ZFYVE9: variants seen among roughly 807,000 people sequenced by gnomAD.
ZFYVE9 encodes zinc finger FYVE-type containing 9.
ZFYVE9 carries 43 observed loss-of-function variants against 126.7 expected under a neutral mutation model. The ratio of observed to expected loss-of-function variants is 0.34; its 90% CI spans 0.27 to 0.44. The LOEUF (loss-of-function observed/expected upper bound fraction) is 0.44. Ranked by LOEUF, ZFYVE9 falls within the 20% of genes least tolerant of loss-of-function variation. The pLI, the probability that ZFYVE9 is intolerant of heterozygous loss-of-function variation, is 1.00. For synonymous variants in ZFYVE9, 521 were observed against 597.4 expected (o/e 0.87, Z 1.87); for missense variants, 1,476 against 1,697.0 (o/e 0.87, Z 2.29).
At chr1:52,173,148 TAGCTCTTATTATTTTG>T (rs1644589908) in intron 1 of ZFYVE9, among the ~76,000 whole-genome samples, 1 of 152,156 alleles carries the variant, frequency 6.6e-6, no homozygotes, top group Non-Finnish European at 1.5e-5. Flanking sequence ...TTGTCATAGA[TAGCTCTTATTATTTTG>T]AGATACGTCC....
intron 13 of ZFYVE9, among the ~76,000 whole-genome samples, chr1:52,324,556 C>T (rs1355757110): frequency 6.6e-6 from 1 of 152,180 alleles, no homozygotes; most frequent in East Asian, 1.9e-4. Flanking sequence ...TACCTGATAG[C>T]CTTTAGCAAA....
intron 4 of ZFYVE9, among the ~76,000 whole-genome samples, chr1:52,246,698 AT>A (rs759969701): frequency 0.036 from 3,532 of 99,280 alleles, 77 homozygotes; most frequent in African/African-American, 0.11. Context: ...CGTGTAACTA[AT>A]TTTTTTTTTT....
intron 1 of ZFYVE9, among the ~76,000 whole-genome samples, chr1:52,209,140 G>T (rs1436635620): frequency 1.3e-5 from 2 of 152,090 alleles, no homozygotes; most frequent in Admixed American, 1.3e-4. Flanking sequence ...GTTCATAAGT[G>T]CTCTGATAGG....
At chr1:52,263,687 A>T in intron 4 of ZFYVE9, 86 bp from the exon 5 acceptor site, 4 of 625,230 alleles carry the variant, frequency 6.4e-6, no homozygotes, top group African/African-American at 1.9e-5. Context: ...TTCACTGACA[A>T]TCAGTGTTTG....
At chr1:52,269,474 T>C (rs1293538580) in intron 7 of ZFYVE9, among the ~76,000 whole-genome samples, 1 of 152,202 alleles carries the variant, frequency 6.6e-6, no homozygotes, top group Non-Finnish European at 1.5e-5. Context: ...ATAGAATTGT[T>C]AGTTACTAAT....
chr1:52,186,187 C>T (rs1644763418), intron 1 of ZFYVE9, among the ~76,000 whole-genome samples: 1 of 151,060 alleles, frequency 6.6e-6, no homozygotes, highest in Non-Finnish European at 1.5e-5. Context: ...TTTCAGTGAG[C>T]CAAGATCATG....
chr1:52,328,320 C>T (rs2147865979), intron 13 of ZFYVE9, among the ~76,000 whole-genome samples: 1 of 152,262 alleles, frequency 6.6e-6, no homozygotes, highest in South Asian at 2.1e-4. Context: ...GATACAAGAA[C>T]ATTACAGAAT....
At chr1:52,314,817 GAAAA>G (rs796669150) in intron 13 of ZFYVE9, among the ~76,000 whole-genome samples, 1 of 145,626 alleles carries the variant, frequency 6.9e-6, no homozygotes, top group African/African-American at 2.5e-5. Flanking sequence ...GTCTCAAAAA[GAAAA>G]AAAAAAGCAA....
chr1:52,142,265 G>C lies in ZFYVE9; in HGVS notation c.-281G>C, dbSNP rs1211249218. The C allele has an allele frequency of 1.3e-5, 2 of 151,722 alleles. No individual in the cohort carries two copies. Among genetic ancestry groups the C allele is most frequent in the Non-Finnish European group, 2.9e-5 (2 of 67,852 alleles). 9.4% of individuals were successfully genotyped at this position (151,722 alleles called of 1,614,324 possible). On this transcript the variant is annotated 5_prime_UTR_variant, in exon 1 of 19. Coordinates refer to ENST00000287727, the MANE Select transcript of ZFYVE9 (RefSeq NM_004799.4). The surrounding 1 kb of genome is among the most constrained non-coding windows in gnomAD (Gnocchi z 4.5). ...GGCCTTAGCAGCAGTAGCAGCCGCA[G>C]CTGCGGCTACCGCAGCTCCTACAGG... is the stretch of plus-strand genomic sequence containing the variant.
At chr1:52,179,890 C>A in intron 1 of ZFYVE9, 1 of 865,204 alleles carries the variant, frequency 1.2e-6, no homozygotes, top group Non-Finnish European at 1.9e-6. Context: ...ACATCTTACA[C>A]AAAAAGGGCA....
At chr1:52,222,437 T>C (rs530921414) in intron 2 of ZFYVE9, among the ~76,000 whole-genome samples, 53 of 152,286 alleles carry the variant, frequency 3.5e-4, no homozygotes, top group African/African-American at 1.2e-3. Flanking sequence ...CCATTGGTGG[T>C]TGTATGGGAT....
At chr1:52,270,310 C>G (rs1300013003) in intron 7 of ZFYVE9, among the ~76,000 whole-genome samples, 2 of 152,184 alleles carry the variant, frequency 1.3e-5, no homozygotes, top group Non-Finnish European at 2.9e-5. Context: ...GTCGCCCAGG[C>G]TGGAGTGCAG....
intron 10 of ZFYVE9, among the ~76,000 whole-genome samples, chr1:52,288,975 TGAATGAACCATTTGCTTGG>T (rs1363693790): frequency 6.9e-6 from 1 of 144,940 alleles, no homozygotes; most frequent in Non-Finnish European, 1.5e-5. Flanking sequence ...TTTCTTGAAA[TGAATGAACCATTTGCTTGG>T]AAATGGTTCC....
At chr1:52,208,075 C>T (rs1339548678) in intron 1 of ZFYVE9, among the ~76,000 whole-genome samples, 1 of 152,172 alleles carries the variant, frequency 6.6e-6, no homozygotes, top group Admixed American at 6.5e-5. Flanking sequence ...AATCCCAGCA[C>T]TTTGGGAGGC....
At chr1:52,293,876 T>C (rs916938539) in intron 11 of ZFYVE9, among the ~76,000 whole-genome samples, 199 bp downstream of exon 11, 1 of 152,220 alleles carries the variant, frequency 6.6e-6, no homozygotes, top group African/African-American at 2.4e-5. Context: ...ATGTATTACC[T>C]TGTAAACTTA....
At chr1:52,207,512 C>T (rs548078582) in intron 1 of ZFYVE9, among the ~76,000 whole-genome samples, 1 of 152,244 alleles carries the variant, frequency 6.6e-6, no homozygotes, top group South Asian at 2.1e-4. Context: ...CTTCCCAGAT[C>T]CTATTCTCTT....
intron 15 of ZFYVE9, among the ~76,000 whole-genome samples, chr1:52,335,384 G>A (rs1444242090): frequency 6.6e-6 from 1 of 152,136 alleles, no homozygotes; most frequent in African/African-American, 2.4e-5. Context: ...AGTCTTAGTT[G>A]GGATCACTTG....
chr1:52,207,490 C>T (rs1010099876), intron 1 of ZFYVE9, among the ~76,000 whole-genome samples: 26 of 152,200 alleles, frequency 1.7e-4, no homozygotes, highest in African/African-American at 6.3e-4. Flanking sequence ...TGTGGGGAAG[C>T]AACAATGTCA....
At chr1:52,296,876 C>G (rs1276169029) in intron 12 of ZFYVE9, among the ~76,000 whole-genome samples, 1 of 152,174 alleles carries the variant, frequency 6.6e-6, no homozygotes, top group African/African-American at 2.4e-5. Flanking sequence ...TGCAGTGGCA[C>G]GATCTCAGCT....
Sources: gnomAD v4.1 joint callset for allele counts (sites outside exome capture counted in the v4.1 genomes callset) on GRCh38, gnomAD v4.1.1 for gene constraint, Gnocchi (gnomAD v3.1) non-coding constraint, MANE v1.5 for transcripts, NCBI Gene and HGNC (gene_info 2026-07-23, HGNC 2026-07-21) for gene names.